The following WAPL variants were observed in gnomAD, a reference collection of about 807,000 sequenced individuals.
The protein encoded by WAPL is WAPL cohesin release factor.
WAPL carries 5 observed loss-of-function variants against 121.0 expected under a neutral mutation model. The observed-to-expected ratio is 0.04, with a 90% CI of 0.02 to 0.09. WAPL has a LOEUF of 0.09. Among genes scored for constraint, WAPL ranks in the 10% least tolerant of loss-of-function variants. The pLI is 1.00. For synonymous variants in WAPL, 480 were observed against 481.5 expected, an observed-to-expected ratio of 1.00 and a Z score of 0.04; for missense variants, 999 against 1,410.8, an observed-to-expected ratio of 0.71 and a Z score of 4.68.
Position 86,499,806 on chromosome 10 carries a change from T to C in WAPL, c.1437A>G (p.Arg479=). ...CQVERKTSKK[R]TKTAPSPSLQ... Reference sequence around the variant, plus strand: ...AGGAGGGTGATGGAGCTGTTTTAGTTCTTTTTTTGCTTGTCTTTCTTTCTA... The same window carrying C: ...AGGAGGGTGATGGAGCTGTTTTAGTCCTTTTTTTGCTTGTCTTTCTTTCTA... The change falls in exon 3 of 19, where the codon AGA becomes AGG. Residue 479 remains arginine (R), a synonymous_variant. Coordinates refer to ENST00000298767, the MANE Select transcript of WAPL (RefSeq NM_015045.5). 1 of 1,613,462 alleles carries C rather than the reference T, an allele frequency of 6.2e-7. No individual in the cohort carries two copies. The highest frequency in any genetic ancestry group is 8.5e-7 in the Non-Finnish European group (1 of 1,179,868).
chr10:86,481,111 T>C (rs1589519795), intron 4 of WAPL, among the ~76,000 whole-genome samples: 1 of 152,114 alleles, frequency 6.6e-6, no homozygotes, highest in South Asian at 2.1e-4. Context: ...AAGTATAAAA[T>C]TTTGCCAATA....
intron 3 of WAPL, among the ~76,000 whole-genome samples, chr10:86,498,846 C>T (rs1842195740): frequency 1.3e-5 from 2 of 152,118 alleles, no homozygotes; most frequent in Admixed American, 6.6e-5. Context: ...TCTACAATCT[C>T]GGCACAAATT....
intron 12 of WAPL, among the ~76,000 whole-genome samples, chr10:86,457,225 A>T (rs1841169420): frequency 6.6e-6 from 1 of 151,600 alleles, no homozygotes; most frequent in Non-Finnish European, 1.5e-5. Context: ...CACAGTGGCT[A>T]ATGCCTGTAA....
At chr10:86,459,653 T>C (rs956401952) in intron 11 of WAPL, among the ~76,000 whole-genome samples, 3 of 152,238 alleles carry the variant, frequency 2.0e-5, no homozygotes, top group African/African-American at 7.2e-5. Context: ...AGTATCATTC[T>C]CCAAAGCCAA....
Position 86,472,363 on chromosome 10 carries a change from T to A in WAPL, c.1894-19A>T. ...TATATAACTGCCAAGAAAAAAAAAG[T>A]TCACCCCTTTTTAACTAGGAACTAG... On this transcript the variant is annotated intron_variant, in intron 6 of 18. Transcript: ENST00000298767. This position sits in a 1 kb window ranked among gnomAD's most constrained non-coding sequence, Gnocchi z 4.2. 1 of 1,585,966 alleles carries A rather than the reference T, an allele frequency of 6.3e-7. No individual in the cohort carries two copies. The highest frequency in any genetic ancestry group is 8.5e-7 in the Non-Finnish European group (1 of 1,173,560).
chr10:86,477,606 C>G (rs965211006), intron 4 of WAPL, among the ~76,000 whole-genome samples: 1 of 152,062 alleles, frequency 6.6e-6, no homozygotes, highest in Admixed American at 6.6e-5. Context: ...AGTTGGAGAC[C>G]AGCCTAACCA....
At chr10:86,462,225 A>ATTTCT (rs1841294422) in intron 9 of WAPL, among the ~76,000 whole-genome samples, 1 of 152,236 alleles carries the variant, frequency 6.6e-6, no homozygotes, top group East Asian at 1.9e-4. Flanking sequence ...TAACTAGCAA[A>ATTTCT]GACTGACAAG....
At chr10:86,498,718 T>A (rs1359012392) in intron 3 of WAPL, among the ~76,000 whole-genome samples, 1 of 152,204 alleles carries the variant, frequency 6.6e-6, no homozygotes, top group East Asian at 1.9e-4. Context: ...AGATAGTCAA[T>A]CCACTTCACA....
chr10:86,509,075 T>A (rs1484055276), intron 2 of WAPL, among the ~76,000 whole-genome samples: 2 of 152,178 alleles, frequency 1.3e-5, no homozygotes, highest in Non-Finnish European at 2.9e-5. Context: ...ACAGTCCTAA[T>A]ACTTTTTCCT....
In WAPL at chr10:86,435,643, GTTA is replaced by G. The variant is rs958856429; in HGVS notation, c.*1897_*1899del. The G allele has an allele frequency of 4.0e-5, 6 of 151,698 alleles. No individual in the cohort carries two copies. The highest frequency in any genetic ancestry group is 1.9e-4 in the East Asian group (1 of 5,144). The allele number at this position is 151,698 out of a possible 1,614,324, so 9.4% of individuals were successfully genotyped here. ...CATCTCTATCAGTGCTCGACAATTA[GTTA>G]TTATTTAAAAAACAAAACAAAACAA... On this transcript the variant is annotated 3_prime_UTR_variant, in exon 19 of 19. Transcript: ENST00000298767.
chr10:86,506,700 G>T (rs1055189201), intron 2 of WAPL, among the ~76,000 whole-genome samples: 8 of 152,064 alleles, frequency 5.3e-5, no homozygotes, highest in Admixed American at 3.9e-4. Flanking sequence ...GGGGGTAGGA[G>T]GATCACTTAA....
intron 13 of WAPL, 30 bp from the exon 14 acceptor site, chr10:86,453,365 G>A (rs1042199237): frequency 6.2e-7 from 1 of 1,602,462 alleles, no homozygotes; most frequent in South Asian, 1.1e-5. Flanking sequence ...CAGGAAAATG[G>A]TTACTGATTC....
At chr10:86,437,734 A>C (rs1433355489) in intron 18 of WAPL, 126 bp from the exon 19 acceptor site, 2 of 1,116,424 alleles carry the variant, frequency 1.8e-6, no homozygotes, top group Non-Finnish European at 2.5e-6. Flanking sequence ...ACCGAGATTA[A>C]ATTGTGGGTT....
At chr10:86,443,130 T>C (rs961746715) in intron 17 of WAPL, 145 bp downstream of exon 17, 10 of 508,182 alleles carry the variant, frequency 2.0e-5, no homozygotes, top group Admixed American at 1.9e-4. Flanking sequence ...AACAACCCTA[T>C]AATCAGCCAA....
At chr10:86,464,785 G>A (rs1025354515) in intron 9 of WAPL, among the ~76,000 whole-genome samples, 4 of 151,894 alleles carry the variant, frequency 2.6e-5, no homozygotes, top group African/African-American at 9.7e-5. Flanking sequence ...GCAGTGAGCC[G>A]AGATCACACC....
At chr10:86,491,616 A>G (rs575546110) in intron 4 of WAPL, among the ~76,000 whole-genome samples, 1 of 152,196 alleles carries the variant, frequency 6.6e-6, no homozygotes, top group African/African-American at 2.4e-5. Flanking sequence ...GATGAGCCTG[A>G]GCCATCTTAT....
At chr10:86,497,087 T>A in intron 4 of WAPL, 114 bp downstream of exon 4, 1 of 871,518 alleles carries the variant, frequency 1.1e-6, no homozygotes, top group South Asian at 1.7e-5. Context: ...CTTACACATA[T>A]CCTTTGAAAG....
chr10:86,474,734 T>C (rs531499659), intron 4 of WAPL, among the ~76,000 whole-genome samples: 1 of 152,058 alleles, frequency 6.6e-6, no homozygotes, highest in Non-Finnish European at 1.5e-5. Context: ...CTCAAAAAAA[T>C]TTAAAAAATA....
At chr10:86,508,698 C>A (rs1842396852) in intron 2 of WAPL, among the ~76,000 whole-genome samples, 1 of 151,902 alleles carries the variant, frequency 6.6e-6, no homozygotes, top group Admixed American at 6.6e-5. Context: ...TCTAGCTGCT[C>A]CTACTGAATT....
Sources: gnomAD v4.1 joint callset for allele counts (sites outside exome capture counted in the v4.1 genomes callset) on GRCh38, gnomAD v4.1.1 for gene constraint, Gnocchi (gnomAD v3.1) non-coding constraint, MANE v1.5 for transcripts, NCBI Gene and HGNC (gene_info 2026-07-23, HGNC 2026-07-21) for gene names.